The following JMJD1C variants were observed in gnomAD, a reference collection of about 807,000 sequenced individuals.
JMJD1C encodes the protein jumonji domain containing 1C.
In JMJD1C, 31 loss-of-function variants were observed where a neutral mutation model predicts 245.3. The ratio of observed to expected loss-of-function variants is 0.13; its 90% confidence interval spans 0.09 to 0.17. JMJD1C has a LOEUF of 0.17. Among genes scored for constraint, JMJD1C ranks in the 10% least tolerant of loss-of-function variants. The pLI is 1.00. For synonymous variants in JMJD1C, 1,057 were observed against 1,017.4 expected, an observed-to-expected ratio of 1.04 and a Z score of -0.74; for missense variants, 2,691 against 3,000.2, an observed-to-expected ratio of 0.90 and a Z score of 2.41.
Position 63,334,272 on chromosome 10 carries a change from G to A in JMJD1C, c.333+46046C>T, listed in dbSNP as rs557426503. ...AATTTGTGTTCAATTTTAAATGACT[G>A]ATGTAACTCTTTTTACATTAGGGAA... On this transcript the variant is annotated intron_variant, in intron 2 of 25. Coordinates refer to ENST00000399262, the MANE Select transcript of JMJD1C (RefSeq NM_032776.3). Among the ~76,000 whole-genome samples the A allele has an allele frequency of 2.2e-4, 33 of 152,236 alleles. No homozygotes were observed. The South Asian group carries it at 3.1e-3, about 14-fold the overall frequency.
chr10:63,353,148 C>CATGAAGACATAAAGT (rs1944506863), intron 2 of JMJD1C, among the ~76,000 whole-genome samples: 1 of 152,178 alleles, frequency 6.6e-6, no homozygotes, highest in Admixed American at 6.5e-5. Flanking sequence ...ACAGCCCTTT[C>CATGAAGACATAAAGT]ATGAAGACAT....
intron 1 of JMJD1C, among the ~76,000 whole-genome samples, chr10:63,443,031 C>T (rs1951483092): frequency 6.6e-6 from 1 of 152,188 alleles, no homozygotes; most frequent in Admixed American, 6.5e-5. Context: ...CATGGGGTTC[C>T]CCAATCCTCT....
chr10:63,217,415 G>C, intron 4 of JMJD1C, 84 bp from the exon 5 acceptor site: 1 of 1,037,538 alleles, frequency 9.6e-7, no homozygotes, highest in Non-Finnish European at 1.4e-6. Context: ...ACATGAGCTA[G>C]TGTATAATAG....
At chr10:63,451,721 A>G (rs1479064945) in intron 1 of JMJD1C, among the ~76,000 whole-genome samples, 1 of 152,214 alleles carries the variant, frequency 6.6e-6, no homozygotes, top group South Asian at 2.1e-4. Context: ...TGGGGGCTCT[A>G]ATCAATCCCC....
chr10:63,361,719 TAAA>T (rs55879769), intron 2 of JMJD1C, among the ~76,000 whole-genome samples: 11 of 95,538 alleles, frequency 1.2e-4, no homozygotes, highest in African/African-American at 4.4e-4. Flanking sequence ...CTGTCTCAAC[TAAA>T]AAAAAAAAAA....
chr10:63,317,330 C>A (rs1940210711), intron 2 of JMJD1C, among the ~76,000 whole-genome samples: 1 of 152,070 alleles, frequency 6.6e-6, no homozygotes, highest in Non-Finnish European at 1.5e-5. Context: ...CATGATGAAA[C>A]CCCGTTTCTA....
intron 16 of JMJD1C, 32 bp from the exon 17 acceptor site, chr10:63,191,140 G>A: frequency 1.3e-6 from 2 of 1,572,782 alleles, no homozygotes; most frequent in Non-Finnish European, 8.7e-7. Context: ...ATTTTGTTTT[G>A]TTTTGTTTTG....
At chr10:63,296,686 C>T (rs180825931) in intron 2 of JMJD1C, among the ~76,000 whole-genome samples, 285 of 152,248 alleles carry the variant, frequency 1.9e-3, no homozygotes, top group Middle Eastern at 3.4e-3. Flanking sequence ...CAAGGAAGTG[C>T]CATTTTGGGT....
intron 1 of JMJD1C, chr10:63,465,108 G>A (rs1337376358): frequency 8.1e-6 from 2 of 247,578 alleles, no homozygotes; most frequent in Non-Finnish European, 1.5e-5. Flanking sequence ...CAGGGAAGCT[G>A]GCCGCCTGTC....
At chr10:63,443,744 A>T (rs899622147) in intron 1 of JMJD1C, among the ~76,000 whole-genome samples, 3 of 152,192 alleles carry the variant, frequency 2.0e-5, no homozygotes, top group African/African-American at 4.8e-5. Context: ...TGGAGATGAG[A>T]GTGTTCCAAG....
Position 63,204,945 on chromosome 10 carries a change from C to T in JMJD1C, c.5074+1650G>A, listed in dbSNP as rs996057103. 4.1e-6 allele frequency: 4 copies of T among 985,194 alleles called. No individual in the cohort carries two copies. The African/African-American group carries it at 7.0e-5, about 17-fold the overall frequency. The allele number at this position is 985,194 out of a possible 1,614,324, so 61.0% of individuals were successfully genotyped here. ...GTGCTTGTGAAAGTACTTTGAGTGT[C>T]CACATTGTCACAGATATTTCATATA... On this transcript the variant is annotated intron_variant, in intron 10 of 25. Transcript: ENST00000399262.
chr10:63,510,597 T>C (rs1286974731), intron 1 of JMJD1C, among the ~76,000 whole-genome samples: 1 of 152,232 alleles, frequency 6.6e-6, no homozygotes, highest in African/African-American at 2.4e-5. Flanking sequence ...TTAAGGTTTG[T>C]TTTATGGCCT....
intron 3 of JMJD1C, among the ~76,000 whole-genome samples, chr10:63,230,255 C>T (rs1849795431): frequency 6.6e-6 from 1 of 152,060 alleles, no homozygotes; most frequent in Admixed American, 6.6e-5. Context: ...GCCTGTAATC[C>T]CAGCTACTCA....
At chr10:63,347,884 A>C (rs1175195463) in intron 2 of JMJD1C, among the ~76,000 whole-genome samples, 1 of 152,154 alleles carries the variant, frequency 6.6e-6, no homozygotes, top group East Asian at 1.9e-4. Context: ...ACTGCCCTCC[A>C]GCCTAGGCAA....
chr10:63,382,219 C>A (rs948800515), intron 1 of JMJD1C, among the ~76,000 whole-genome samples: 3 of 152,088 alleles, frequency 2.0e-5, no homozygotes, highest in Admixed American at 1.3e-4. Flanking sequence ...CACACACACA[C>A]AGAAGAGAGT....
intron 2 of JMJD1C, among the ~76,000 whole-genome samples, chr10:63,345,493 AAAAAAAAAAAAAC>A (rs1943734140): frequency 6.6e-6 from 1 of 151,546 alleles, no homozygotes; most frequent in African/African-American, 2.4e-5. Flanking sequence ...TGTCTCAAAA[AAAAAAAAAAAAAC>A]AAAAAAAAGG....
At chr10:63,236,742 G>A (rs1023656927) in intron 3 of JMJD1C, among the ~76,000 whole-genome samples, 1 of 152,170 alleles carries the variant, frequency 6.6e-6, no homozygotes, top group Admixed American at 6.5e-5. Context: ...CTGGGAAGCT[G>A]GGGAGGGAGG....
chr10:63,441,978 A>G (rs1453597955), intron 1 of JMJD1C, among the ~76,000 whole-genome samples: 1 of 152,246 alleles, frequency 6.6e-6, no homozygotes, highest in Admixed American at 6.5e-5. Context: ...GAATATTTAT[A>G]TAGCACCTGT....
At position 63,184,742 on chromosome 10, in the gene JMJD1C, A is replaced by G. The variant is rs555948242; in HGVS notation, c.6831-4T>C. ...ACTTTTTAAAAGATCTTCGTATCTG[A>G]AGAAAAACAACATTGCCTTCTTATA... On this transcript the variant is annotated splice_polypyrimidine_tract_variant and splice_region_variant and intron_variant, in intron 20 of 25. Coordinates refer to ENST00000399262, the MANE Select transcript of JMJD1C (RefSeq NM_032776.3). 6 of 1,600,732 alleles carry G rather than the reference A, an allele frequency of 3.7e-6. No individual in the cohort carries two copies. Among genetic ancestry groups the G allele is most frequent in the Non-Finnish European group, 5.1e-6 (6 of 1,175,304 alleles).
Sources: allele counts gnomAD v4.1 joint callset (sites outside exome capture counted in the v4.1 genomes callset), GRCh38; gene constraint gnomAD v4.1.1; transcripts MANE v1.5; gene names NCBI Gene and HGNC (gene_info 2026-07-23, HGNC 2026-07-21).